Variants in NOSTRIN observed in about 807,000 individuals in gnomAD.
NOSTRIN encodes the protein nitric oxide synthase trafficking, also known as BM247 homolog.
A neutral mutation model predicts 59.0 loss-of-function variants in NOSTRIN; 63 were observed. The ratio of observed to expected loss-of-function variants is 1.07; its 90% CI spans 0.87 to 1.32. The LOEUF (loss-of-function observed/expected upper bound fraction) is 1.32, where lower values mean the gene tolerates loss of function less well. NOSTRIN is among the 40% of genes most tolerant of loss of function. The probability of loss-of-function intolerance (pLI) is 0.00; values close to 1 mark genes in which losing one functional copy is unlikely to be tolerated. For missense variants in NOSTRIN, 512 were observed against 473.1 expected (o/e 1.08, Z -0.76); for synonymous variants, 200 against 165.4 (o/e 1.21, Z -1.61).
chr2:168,797,084 T>C (rs28652992), upstream of NOSTRIN, among the ~76,000 whole-genome samples: 54 of 31,772 alleles, frequency 1.7e-3, no homozygotes, highest in Admixed American at 2.1e-3. Flanking sequence ...TTTTTCTTTT[T>C]TTTTTTTTTT....
intron 7 of NOSTRIN, among the ~76,000 whole-genome samples, chr2:168,842,190 G>C (rs1350038197): frequency 6.6e-6 from 1 of 152,204 alleles, no homozygotes. Context: ...TTGGGGAAGA[G>C]GGATTCTGGT....
intron 13 of NOSTRIN, 73 bp from the exon 14 acceptor site, chr2:168,860,722 C>A: frequency 1.1e-6 from 1 of 929,182 alleles, no homozygotes; most frequent in Non-Finnish European, 1.7e-6. Flanking sequence ...AAAACAGCTA[C>A]AGAAGAGTTA....
At chr2:168,815,828 A>G (rs1490026257) in intron 2 of NOSTRIN, among the ~76,000 whole-genome samples, 1 of 152,132 alleles carries the variant, frequency 6.6e-6, no homozygotes, top group Non-Finnish European at 1.5e-5. Context: ...CACAAAGTCA[A>G]TATGTCTAAA....
At chr2:168,805,368 G>C (rs567021556) in intron 1 of NOSTRIN, among the ~76,000 whole-genome samples, 1 of 152,182 alleles carries the variant, frequency 6.6e-6, no homozygotes, top group Non-Finnish European at 1.5e-5. Flanking sequence ...ACAAGGAAAA[G>C]AATTGGCTCT....
chr2:168,816,583 C>T (rs1686418954), intron 2 of NOSTRIN, among the ~76,000 whole-genome samples: 1 of 152,190 alleles, frequency 6.6e-6, no homozygotes, highest in Non-Finnish European at 1.5e-5. Flanking sequence ...CATTGCCTGG[C>T]TCCATTCAAC....
intron 10 of NOSTRIN, among the ~76,000 whole-genome samples, chr2:168,853,809 A>C (rs1245710897): frequency 6.6e-6 from 1 of 152,176 alleles, no homozygotes; most frequent in Non-Finnish European, 1.5e-5. Flanking sequence ...TCACAGGTAA[A>C]ATGAGGAAAA....
At chr2:168,802,496 A>G (rs1262175971), upstream of NOSTRIN, 5 of 658,376 alleles carry the variant, frequency 7.6e-6, no homozygotes, top group East Asian at 1.4e-4. Context: ...ATGAAAGTCC[A>G]GGGCTGGGAC....
At chr2:168,791,283 G>A (rs1174746536) in intron 2 of NOSTRIN, among the ~76,000 whole-genome samples, 1 of 152,074 alleles carries the variant, frequency 6.6e-6, no homozygotes, top group Non-Finnish European at 1.5e-5. Flanking sequence ...GAGAATGATG[G>A]TTTCCAGTTT....
intron 13 of NOSTRIN, 109 bp from the exon 14 acceptor site, chr2:168,860,686 A>G (rs1574342513): frequency 2.8e-6 from 2 of 718,214 alleles, no homozygotes; most frequent in Non-Finnish European, 2.3e-6. Context: ...AAAAAAGAAA[A>G]AACAAACAGA....
At chr2:168,813,606 C>A (rs1026969734) in intron 2 of NOSTRIN, among the ~76,000 whole-genome samples, 1 of 152,112 alleles carries the variant, frequency 6.6e-6, no homozygotes, top group Non-Finnish European at 1.5e-5. Flanking sequence ...TTCACTTATT[C>A]TAGAGTGACA....
intron 2 of NOSTRIN, among the ~76,000 whole-genome samples, chr2:168,823,037 G>A (rs1686841559): frequency 6.6e-6 from 1 of 152,144 alleles, no homozygotes; most frequent in African/African-American, 2.4e-5. Context: ...TTTTGTTTGA[G>A]ATGGAGTTTT....
intron 7 of NOSTRIN, among the ~76,000 whole-genome samples, chr2:168,836,193 G>A (rs1226394270): frequency 2.0e-5 from 3 of 152,224 alleles, no homozygotes; most frequent in Non-Finnish European, 4.4e-5. Flanking sequence ...GGCAGCTTCC[G>A]AAGAGGCGAA....
At chr2:168,809,605 GCAGGTCTTCT>G (rs1395644177) in intron 1 of NOSTRIN, among the ~76,000 whole-genome samples, 2 of 151,878 alleles carry the variant, frequency 1.3e-5, no homozygotes, top group Non-Finnish European at 2.9e-5. Context: ...TTTCTTTACT[GCAGGTCTTCT>G]CACAATTTGA....
intron 3 of NOSTRIN, among the ~76,000 whole-genome samples, chr2:168,826,386 A>G (rs1687067652): frequency 6.6e-6 from 1 of 152,136 alleles, no homozygotes; most frequent in Non-Finnish European, 1.5e-5. Context: ...GGTACTACAG[A>G]TATCCTGTTA....
intron 2 of NOSTRIN, among the ~76,000 whole-genome samples, chr2:168,791,199 G>C (rs1258519058): frequency 6.6e-6 from 1 of 151,988 alleles, no homozygotes; most frequent in Non-Finnish European, 1.5e-5. Flanking sequence ...CTGTCCATGT[G>C]TTCTCATTGT....
intron 7 of NOSTRIN, among the ~76,000 whole-genome samples, chr2:168,841,130 G>A (rs759125770): frequency 6.0e-5 from 9 of 150,162 alleles, no homozygotes; most frequent in Non-Finnish European, 1.3e-4. Flanking sequence ...GGGAGGCTGA[G>A]ATGGGAGCAT....
intron 8 of NOSTRIN, among the ~76,000 whole-genome samples, chr2:168,848,193 G>A (rs1688540436): frequency 6.6e-6 from 1 of 152,196 alleles, no homozygotes; most frequent in South Asian, 2.1e-4. Flanking sequence ...TTTGTTATGA[G>A]GCATATCGAT....
chr2:168,860,584 T>G (rs1211550687), intron 13 of NOSTRIN, among the ~76,000 whole-genome samples: 1 of 151,404 alleles, frequency 6.6e-6, no homozygotes, highest in Non-Finnish European at 1.5e-5. Context: ...GGCAGGAGAA[T>G]CACTTGAACC....
intron 12 of NOSTRIN, among the ~76,000 whole-genome samples, chr2:168,858,420 T>A (rs1689246587): frequency 1.3e-5 from 2 of 152,370 alleles, no homozygotes; most frequent in South Asian, 4.1e-4. Context: ...GAAACTTTTA[T>A]TTACATTCTT....
Sources: gnomAD v4.1 joint callset for allele counts (sites outside exome capture counted in the v4.1 genomes callset) on GRCh38, gnomAD v4.1.1 for gene constraint, MANE v1.5 for transcripts, NCBI Gene and HGNC (gene_info 2026-07-23, HGNC 2026-07-21) for gene names.